Variants in LPCAT1 observed in about 807,000 individuals in gnomAD.
The protein encoded by LPCAT1 is 1-acylglycerol-3-phosphate O-acyltransferase.
Under a neutral mutation model 60.9 loss-of-function variants are expected in LPCAT1, and 23 were observed. That is an observed-to-expected ratio of 0.38 (90% confidence interval 0.27 to 0.53). LPCAT1 has a LOEUF of 0.53. Among genes scored for constraint, LPCAT1 ranks in the 20% least tolerant of loss-of-function variants. The probability of loss-of-function intolerance (pLI) is 0.82; values close to 1 mark genes in which losing one functional copy is unlikely to be tolerated. For missense variants in LPCAT1, 622 were observed against 723.6 expected, an observed-to-expected ratio of 0.86 and a Z score of 1.61; for synonymous variants, 340 against 301.1, an observed-to-expected ratio of 1.13 and a Z score of -1.34.
intron 1 of LPCAT1, among the ~76,000 whole-genome samples, 166 bp from the exon 2 acceptor site, chr5:1,501,769 G>T (rs1331176414): frequency 6.6e-6 from 1 of 151,524 alleles, no homozygotes; most frequent in Non-Finnish European, 1.5e-5. Flanking sequence ...ACTGACCGAG[G>T]CTGACCAAGG....
At chr5:1,486,977 C>T (rs559528885) in intron 5 of LPCAT1, among the ~76,000 whole-genome samples, 5 of 152,322 alleles carry the variant, frequency 3.3e-5, no homozygotes, top group African/African-American at 9.6e-5. Context: ...CCCTCAGTTT[C>T]GTGATATGCG....
At chr5:1,491,425 T>C in intron 3 of LPCAT1, among the ~76,000 whole-genome samples, 1 of 150,594 alleles carries the variant, frequency 6.6e-6, no homozygotes, top group Non-Finnish European at 1.5e-5. Flanking sequence ...ATTTCAGAAG[T>C]TGTCTATAAC....
Position 1,487,304 on chromosome 5 carries a change from C to T in LPCAT1, c.667+1087G>A, listed in dbSNP as rs1217019091. ...GGGGCACACGGATTCGTGGTCACCG[C>T]GTGCCGCCTCCACCCTCTGCATCTC... On this transcript the variant is annotated intron_variant, in intron 5 of 13. Coordinates refer to ENST00000283415, the MANE Select transcript of LPCAT1 (RefSeq NM_024830.5). This position sits in a 1 kb window ranked among gnomAD's most constrained non-coding sequence, Gnocchi z 6.1. Among the ~76,000 whole-genome samples the T allele has an allele frequency of 3.9e-5, 6 of 152,340 alleles. No individual in the cohort carries two copies. The highest frequency in any genetic ancestry group is 9.6e-5 in the African/African-American group (4 of 41,588).
At chr5:1,505,641 C>T (rs534970836) in intron 1 of LPCAT1, among the ~76,000 whole-genome samples, 8 of 152,370 alleles carry the variant, frequency 5.3e-5, no homozygotes, top group Admixed American at 3.9e-4. Context: ...TGTGAGACCA[C>T]GTGACCCTCG....
intron 13 of LPCAT1, among the ~76,000 whole-genome samples, chr5:1,465,317 AAAC>A (rs528281216): frequency 1.8e-3 from 236 of 133,230 alleles, no homozygotes; most frequent in African/African-American, 5.6e-3. Flanking sequence ...CGCACACACA[AAAC>A]AAGCGCAGGC....
At chr5:1,510,115 CCATT>C (rs1416653753) in intron 1 of LPCAT1, among the ~76,000 whole-genome samples, 1 of 152,152 alleles carries the variant, frequency 6.6e-6, no homozygotes, top group African/African-American at 2.4e-5. Flanking sequence ...CTGTGAACAT[CCATT>C]GTCTCCCTGA....
rs1050584844 is a variant in LPCAT1 at position 1,522,609 on chromosome 5, G to C, written c.135+1101C>G. ...CTTTGAGCAAAAGCAGGCGTCCTGG[G>C]AAAATGACAAGCTCAAACTGGCCTC... On this transcript the variant is annotated intron_variant, in intron 1 of 13. Coordinates refer to ENST00000283415, the MANE Select transcript of LPCAT1 (RefSeq NM_024830.5). The surrounding 1 kb of genome is among the most constrained non-coding windows in gnomAD (Gnocchi z 6.8). 6.6e-6 allele frequency among the ~76,000 whole-genome samples: 1 copy of C among 152,200 alleles called. No homozygotes were observed. The highest frequency in any genetic ancestry group is 1.5e-5 in the Non-Finnish European group (1 of 68,028).
At chr5:1,475,158 C>G (rs1246479461) in intron 9 of LPCAT1, among the ~76,000 whole-genome samples, 3 of 152,240 alleles carry the variant, frequency 2.0e-5, no homozygotes, top group African/African-American at 7.2e-5. Flanking sequence ...CCCTCACTCC[C>G]AGAGCTGCTC....
chr5:1,501,700 C>T, intron 1 of LPCAT1, 97 bp from the exon 2 acceptor site: 1 of 1,266,272 alleles, frequency 7.9e-7, no homozygotes, highest in Non-Finnish European at 1.1e-6. Context: ...GCGCGCCCCA[C>T]AGAGTGGAGA....
intron 2 of LPCAT1, among the ~76,000 whole-genome samples, chr5:1,498,499 TAC>T (rs565897135): frequency 8.3e-4 from 126 of 152,220 alleles, no homozygotes; most frequent in African/African-American, 2.9e-3. Context: ...TTCACACACA[TAC>T]ACAGACATCG....
rs552505745 is a variant in LPCAT1 at position 1,483,233 on chromosome 5, C to T, written c.726+195G>A. Among the ~76,000 whole-genome samples the T allele has an allele frequency of 2.6e-4, 40 of 152,266 alleles. No individual in the cohort carries two copies. The highest frequency in any genetic ancestry group is 3.9e-4 in the Admixed American group (6 of 15,306). ...GCATAGAACAGGCCGCACTCAGGAA[C>T]GTGCCGAGCCCAGGGCCCGGGCCTG... On this transcript the variant is annotated intron_variant, in intron 6 of 13. Transcript: ENST00000283415. The surrounding 1 kb of genome is among the most constrained non-coding windows in gnomAD (Gnocchi z 9.2).
At chr5:1,486,138 A>G (rs2126539584) in intron 5 of LPCAT1, among the ~76,000 whole-genome samples, 1 of 152,286 alleles carries the variant, frequency 6.6e-6, no homozygotes, top group East Asian at 1.9e-4. Context: ...GAGTGTGGGC[A>G]CTGGAGAGGA....
intron 1 of LPCAT1, among the ~76,000 whole-genome samples, chr5:1,511,769 G>T (rs1736363359): frequency 6.6e-6 from 1 of 152,200 alleles, no homozygotes; most frequent in Admixed American, 6.5e-5. Flanking sequence ...GGTTGGCCAG[G>T]AACCGAGCCC....
At position 1,481,528 on chromosome 5, in the gene LPCAT1, G is replaced by A. The variant is rs562293382; in HGVS notation, c.727-552C>T. Among the ~76,000 whole-genome samples the A allele has an allele frequency of 1.3e-5, 2 of 152,388 alleles. No homozygotes were observed. The highest frequency in any genetic ancestry group is 2.1e-4 in the South Asian group (1 of 4,826). Reference sequence around the variant, plus strand: ...GGGCAGGGACCACACAGCAGGGGCCGTGACGGCAGAGGCCCAGACACCGTC... The same window carrying A: ...GGGCAGGGACCACACAGCAGGGGCCATGACGGCAGAGGCCCAGACACCGTC... On this transcript the variant is annotated intron_variant, in intron 6 of 13. Transcript: ENST00000283415. This position sits in a 1 kb window ranked among gnomAD's most constrained non-coding sequence, Gnocchi z 7.8.
At position 1,523,752 on chromosome 5, in the gene LPCAT1, G is replaced by T; in HGVS notation, c.93C>A (p.Pro31=). ...CGCTGAGGCGCAGCTCGTGCACGAA[G>T]GGGTTCCGCCCCGGGGGCGCCAGCA... is the stretch of plus-strand genomic sequence containing the variant. ...ARLLAPPGRN[P]FVHELRLSAL... is the part of the protein sequence containing the mutation. The change falls in exon 1 of 14, where the codon CCC becomes CCA. Residue 31 remains proline, a synonymous_variant. Coordinates refer to ENST00000283415, the MANE Select transcript of LPCAT1 (RefSeq NM_024830.5). The surrounding 1 kb of genome is among the most constrained non-coding windows in gnomAD (Gnocchi z 7.1). 8.5e-7 allele frequency: 1 copy of T among 1,173,146 alleles called. No homozygotes were observed. The highest frequency in any genetic ancestry group is 2.3e-5 in the South Asian group (1 of 42,666). The allele number at this position is 1,173,146 out of a possible 1,614,324, so 72.7% of individuals were successfully genotyped here.
intron 12 of LPCAT1, 22 bp downstream of exon 12, chr5:1,470,804 C>T: frequency 6.2e-7 from 1 of 1,602,544 alleles, no homozygotes; most frequent in Non-Finnish European, 8.5e-7. Flanking sequence ...CCCAGTCAAA[C>T]CCATGTGAAC....
rs1398695749 is a variant in LPCAT1, at chr5:1,480,274, A to C, written c.762-599T>G. ...TCTGCTCCCAGCTGGGAGCCTCCAC[A>C]CGCCAGCCTGGGAAGCGCTGACCTC... is the stretch of plus-strand genomic sequence containing the variant. On this transcript the variant is annotated intron_variant, in intron 7 of 13. Transcript: ENST00000283415. The surrounding 1 kb of genome is among the most constrained non-coding windows in gnomAD (Gnocchi z 6.4). 3 of 959,910 alleles carry C rather than the reference A, an allele frequency of 3.1e-6. No homozygotes were observed. Among genetic ancestry groups the C allele is most frequent in the Non-Finnish European group, 3.7e-6 (3 of 812,520 alleles). The allele number at this position is 959,910 out of a possible 1,614,324, so 59.5% of individuals were successfully genotyped here. A position where few individuals can be genotyped will look rare whatever the true frequency, so the allele number is the denominator to read the frequency against.
intron 3 of LPCAT1, 58 bp downstream of exon 3, chr5:1,494,642 G>GA: frequency 6.8e-7 from 1 of 1,478,398 alleles, no homozygotes. Context: ...GCAGCAGGGG[G>GA]ATCTCTCACT....
intron 2 of LPCAT1, among the ~76,000 whole-genome samples, chr5:1,497,652 G>A (rs1346510489): frequency 6.6e-6 from 1 of 152,220 alleles, no homozygotes; most frequent in Non-Finnish European, 1.5e-5. Flanking sequence ...TGGCAGGTGT[G>A]GAGGGGCAGC....
Sources: gnomAD v4.1 joint callset for allele counts (sites outside exome capture counted in the v4.1 genomes callset) on GRCh38, gnomAD v4.1.1 for gene constraint, Gnocchi (gnomAD v3.1) non-coding constraint, MANE v1.5 for transcripts, NCBI Gene and HGNC (gene_info 2026-07-23, HGNC 2026-07-21) for gene names.